The following PCCA variants were observed in gnomAD, a reference collection of about 807,000 sequenced individuals.
The protein encoded by PCCA is propionyl-CoA carboxylase subunit alpha.
A neutral mutation model predicts 101.3 loss-of-function variants in PCCA; 74 were observed. The ratio of observed to expected loss-of-function variants is 0.73; its 90% CI spans 0.61 to 0.89. The LOEUF is 0.89. Ranked by LOEUF, PCCA falls within the 40% of genes least tolerant of loss-of-function variation. The pLI is 0.00. For synonymous variants in PCCA, 294 were observed against 313.6 expected, an observed-to-expected ratio of 0.94 and a Z score of 0.66; for missense variants, 891 against 907.0, an observed-to-expected ratio of 0.98 and a Z score of 0.23.
intron 16 of PCCA, among the ~76,000 whole-genome samples, chr13:100,328,361 T>A (rs2068959304): frequency 7.9e-6 from 1 of 126,194 alleles, no homozygotes; most frequent in Non-Finnish European, 1.6e-5. Flanking sequence ...AGACCCTGTC[T>A]CAAAAAATAT....
chr13:100,404,071 C>G (rs2783218), intron 19 of PCCA, among the ~76,000 whole-genome samples: 19,920 of 152,196 alleles, frequency 0.13, 4,300 homozygotes, highest in African/African-American at 0.45. Context: ...CCTATCTAAG[C>G]GTTCCCGGCA....
At chr13:100,434,542 G>A (rs1452750500) in intron 20 of PCCA, among the ~76,000 whole-genome samples, 1 of 152,078 alleles carries the variant, frequency 6.6e-6, no homozygotes, top group Non-Finnish European at 1.5e-5. Flanking sequence ...CGGTAGCCCT[G>A]GGATACTTTC....
At chr13:100,404,061 C>T (rs539598270) in intron 19 of PCCA, among the ~76,000 whole-genome samples, 53 of 152,314 alleles carry the variant, frequency 3.5e-4, no homozygotes, top group African/African-American at 1.3e-3. Flanking sequence ...CCCTCAAAGG[C>T]CTATCTAAGC....
chr13:100,129,578 C>T (rs1020936558), intron 4 of PCCA, among the ~76,000 whole-genome samples: 8 of 152,140 alleles, frequency 5.3e-5, no homozygotes, highest in African/African-American at 1.4e-4. Context: ...GCCCCCCCGC[C>T]GGCATTTTGG....
chr13:100,191,027 GT>G (rs2057705568), intron 6 of PCCA, among the ~76,000 whole-genome samples: 2 of 151,884 alleles, frequency 1.3e-5, no homozygotes, highest in Non-Finnish European at 1.5e-5. Context: ...AGCCCTAGGT[GT>G]CAAAGCTGCA....
chr13:100,177,218 T>G (rs1187808650), intron 6 of PCCA, among the ~76,000 whole-genome samples: 1 of 152,220 alleles, frequency 6.6e-6, no homozygotes, highest in Non-Finnish European at 1.5e-5. Flanking sequence ...CAAGTGACAG[T>G]AAGCACTACC....
chr13:100,465,597 G>C (rs572523648), intron 21 of PCCA, among the ~76,000 whole-genome samples: 1 of 152,196 alleles, frequency 6.6e-6, no homozygotes, highest in Non-Finnish European at 1.5e-5. Flanking sequence ...AGTGTTATCT[G>C]TTTGGGCAGT....
chr13:100,291,446 A>G (rs1932241), intron 12 of PCCA, among the ~76,000 whole-genome samples: 139,567 of 152,306 alleles, frequency 0.92, 65,161 homozygotes, highest in East Asian at 1. Context: ...GCACATGCAC[A>G]TATGTGCATT....
chr13:100,307,018 G>T (rs1011024225), intron 14 of PCCA, among the ~76,000 whole-genome samples, 174 bp from the exon 15 acceptor site: 1 of 152,100 alleles, frequency 6.6e-6, no homozygotes, highest in South Asian at 2.1e-4. Flanking sequence ...AAAATGTGTT[G>T]CATTACATAT....
intron 12 of PCCA, among the ~76,000 whole-genome samples, chr13:100,290,080 T>G (rs1355319946): frequency 6.6e-6 from 1 of 152,240 alleles, no homozygotes; most frequent in Non-Finnish European, 1.5e-5. Context: ...GGTTCTTGTC[T>G]TTCAGGAGCA....
chr13:100,095,354 C>T (rs768260384), intron 1 of PCCA, among the ~76,000 whole-genome samples: 12 of 152,146 alleles, frequency 7.9e-5, no homozygotes, highest in East Asian at 1.9e-4. Context: ...TTCACCTACA[C>T]GTAGTATGTG....
At chr13:100,370,949 A>G (rs981839573) in intron 19 of PCCA, among the ~76,000 whole-genome samples, 2 of 152,172 alleles carry the variant, frequency 1.3e-5, no homozygotes, top group African/African-American at 4.8e-5. Context: ...TACTGAGCAC[A>G]CAGTAAAGCT....
chr13:100,420,499 G>C (rs1595837760), intron 19 of PCCA, among the ~76,000 whole-genome samples: 1 of 152,134 alleles, frequency 6.6e-6, no homozygotes, highest in Non-Finnish European at 1.5e-5. Context: ...AGGATTACTT[G>C]AGCCTGGGAG....
At chr13:100,099,735 C>T (rs141635871) in intron 1 of PCCA, among the ~76,000 whole-genome samples, 424 of 152,180 alleles carry the variant, frequency 2.8e-3, no homozygotes, top group African/African-American at 9.7e-3. Context: ...CCATTTCCCC[C>T]GCTTTTTGTG....
chr13:100,271,294 A>T (rs1283960068), intron 11 of PCCA, among the ~76,000 whole-genome samples: 3 of 152,156 alleles, frequency 2.0e-5, no homozygotes, highest in Non-Finnish European at 4.4e-5. Flanking sequence ...AAACTATATT[A>T]TAGATAATTC....
chr13:100,331,211 A>G (rs934189872), intron 17 of PCCA, among the ~76,000 whole-genome samples: 2 of 152,244 alleles, frequency 1.3e-5, no homozygotes, highest in African/African-American at 4.8e-5. Flanking sequence ...TCCAGGTAGT[A>G]GAAAAATTGC....
intron 7 of PCCA, among the ~76,000 whole-genome samples, chr13:100,209,889 C>G (rs2059105758): frequency 6.6e-6 from 1 of 151,922 alleles, no homozygotes; most frequent in Admixed American, 6.6e-5. Flanking sequence ...GCTTCATCCT[C>G]CCAAGGTGCT....
chr13:100,286,500 A>G (rs2064670683), intron 12 of PCCA, among the ~76,000 whole-genome samples: 1 of 152,206 alleles, frequency 6.6e-6, no homozygotes. Flanking sequence ...TGGAGTAGGT[A>G]ACTGAAAAAG....
chr13:100,446,531 G>T (rs775850095), intron 20 of PCCA, among the ~76,000 whole-genome samples: 1 of 152,094 alleles, frequency 6.6e-6, no homozygotes, highest in Non-Finnish European at 1.5e-5. Flanking sequence ...TGGAAGGTGG[G>T]TCTTAATTCA....
Sources: allele counts gnomAD v4.1 joint callset (sites outside exome capture counted in the v4.1 genomes callset), GRCh38; gene constraint gnomAD v4.1.1; transcripts MANE v1.5; gene names NCBI Gene and HGNC (gene_info 2026-07-23, HGNC 2026-07-21).